CEACAM4: variants seen among roughly 807,000 people sequenced by gnomAD.
CEACAM4 encodes the protein CEA cell adhesion molecule 4.
Under a neutral mutation model 28.7 loss-of-function variants are expected in CEACAM4, and 30 were observed. The observed-to-expected ratio is 1.05, with a 90% CI of 0.78 to 1.42. The LOEUF is 1.42. CEACAM4 is among the 40% of genes most tolerant of loss of function. The pLI is 0.00. For synonymous variants in CEACAM4, 143 were observed against 126.5 expected, an observed-to-expected ratio of 1.13 and a Z score of -0.87; for missense variants, 330 against 308.2, an observed-to-expected ratio of 1.07 and a Z score of -0.53.
chr19:41,614,817 G>T (rs1456247421), downstream of CEACAM4, among the ~76,000 whole-genome samples: 1 of 152,112 alleles, frequency 6.6e-6, no homozygotes, highest in Admixed American at 6.5e-5. Flanking sequence ...CATATGCAGG[G>T]TCAGAGAACA....
downstream of CEACAM4, among the ~76,000 whole-genome samples, chr19:41,618,791 G>T (rs144422481): frequency 0.011 from 1,690 of 152,302 alleles, 14 homozygotes; most frequent in Middle Eastern, 0.02. Flanking sequence ...GTAGTGTGAG[G>T]ACAGCTGAGC....
At position 41,620,594 on chromosome 19, in the gene CEACAM4, C is replaced by T. The variant is rs782062058; in HGVS notation, c.576G>A (p.Pro192=). ...ASIQRDLREQ[P]PPASTPGHGP... Reference sequence around the variant, plus strand: ...ACTCACCAGGGGTGGAGGCTGGGGGCGGCTGCTCCCTGAGGTCACGCTGGA... The same window carrying T: ...ACTCACCAGGGGTGGAGGCTGGGGGTGGCTGCTCCCTGAGGTCACGCTGGA... The change falls in exon 4 of 7, where the codon CCG becomes CCA. Residue 192 remains proline (P), a synonymous_variant. Coordinates refer to ENST00000221954, the MANE Select transcript of CEACAM4 (RefSeq NM_001817.4). The T allele has an allele frequency of 6.2e-6, 10 of 1,612,410 alleles. No individual in the cohort carries two copies. The highest frequency in any genetic ancestry group is 5.0e-5 in the Admixed American group (3 of 59,806).
chr19:41,613,839 G>C, the CEACAM4 span, among the ~76,000 whole-genome samples: 1 of 152,168 alleles, frequency 6.6e-6, no homozygotes, highest in Non-Finnish European at 1.5e-5. Flanking sequence ...GAAGGAGGTG[G>C]AGAACTGGAA....
rs1439119680 is a variant in CEACAM4 at position 41,620,791 on chromosome 19, G to A, written c.543-164C>T. Among the ~76,000 whole-genome samples the A allele has an allele frequency of 2.6e-5, 4 of 152,198 alleles. 1 individual carries two copies. In the South Asian group the frequency reaches 6.2e-4, roughly 24 times the overall value. On this transcript the variant is annotated intron_variant, in intron 3 of 6. Coordinates refer to ENST00000221954, the MANE Select transcript of CEACAM4 (RefSeq NM_001817.4). ...GGCCGAGGACGGGGAGCTGAGGATA[G>A]GCCTTAAGCAGTCACGTCTGTCCTG...
chr19:41,620,114 T>G, intron 5 of CEACAM4, 97 bp downstream of exon 5: 1 of 1,106,682 alleles, frequency 9.0e-7, no homozygotes, highest in South Asian at 1.7e-5. Flanking sequence ...TGGGGAAAGG[T>G]GGGTCAGTGC....
At position 41,627,037 on chromosome 19, in the gene CEACAM4, C is replaced by T; in HGVS notation, c.-74G>A. ...AACGCTCTTGTCAGAGCTGCTGTGA[C>T]TGTCGGCTGTCGGGGCTGCTGACCT... On this transcript the variant is annotated 5_prime_UTR_variant, in exon 1 of 7. Coordinates refer to ENST00000221954, the MANE Select transcript of CEACAM4 (RefSeq NM_001817.4). 3.0e-6 allele frequency: 4 copies of T among 1,320,426 alleles called. No individual in the cohort carries two copies. The highest frequency in any genetic ancestry group is 4.2e-6 in the Non-Finnish European group (4 of 962,178). The allele number at this position is 1,320,426 out of a possible 1,614,324, so 81.8% of individuals were successfully genotyped here.
At chr19:41,620,424 C>G in intron 4 of CEACAM4, 151 bp downstream of exon 4, 5 of 847,056 alleles carry the variant, frequency 5.9e-6, no homozygotes, top group Non-Finnish European at 9.1e-6. Context: ...TCAGTCTGAA[C>G]AAGACAGTCG....
chr19:41,621,475 A>G (rs73562936), intron 3 of CEACAM4, among the ~76,000 whole-genome samples, 176 bp downstream of exon 3: 5,154 of 152,044 alleles, frequency 0.034, 107 homozygotes, highest in Non-Finnish European at 0.043. Context: ...TGCCACATTC[A>G]TAAAGGAAGA....
At chr19:41,620,396 C>A (rs964235242) in intron 4 of CEACAM4, among the ~76,000 whole-genome samples, 154 bp from the exon 5 acceptor site, 1 of 152,072 alleles carries the variant, frequency 6.6e-6, no homozygotes, top group Non-Finnish European at 1.5e-5. Flanking sequence ...AGGTGACCCA[C>A]GACCCAGAGC....
chr19:41,623,419 A>ATTTTTTTTTTTTTTTTTTTTTTTTCCTT (rs57004828), intron 2 of CEACAM4, among the ~76,000 whole-genome samples: 1 of 105,060 alleles, frequency 9.5e-6, no homozygotes, highest in African/African-American at 3.5e-5. Flanking sequence ...TTCGAACTGC[A>ATTTTTTTTTTTTTTTTTTTTTTTTCCTT]TTTTTTTTTT....
In CEACAM4 at chr19:41,620,600, C is replaced by T. The variant is rs1555800910; in HGVS notation, c.570G>A (p.Glu190=). 1 of 1,612,136 alleles carries T rather than the reference C, an allele frequency of 6.2e-7. No homozygotes were observed. The highest frequency in any genetic ancestry group is 1.7e-5 in the Admixed American group (1 of 59,838). ...GRASIQRDLR[E]QPPPASTPGH... Reference sequence around the variant, plus strand: ...CAGGGGTGGAGGCTGGGGGCGGCTGCTCCCTGAGGTCACGCTGGATGCTGG... The same window carrying T: ...CAGGGGTGGAGGCTGGGGGCGGCTGTTCCCTGAGGTCACGCTGGATGCTGG... The change falls in exon 4 of 7, where the codon GAG becomes GAA. Residue 190 remains glutamate (E), a synonymous_variant. Coordinates refer to ENST00000221954, the MANE Select transcript of CEACAM4 (RefSeq NM_001817.4).
chr19:41,617,875 C>T (rs985904492), downstream of CEACAM4, among the ~76,000 whole-genome samples: 1 of 152,162 alleles, frequency 6.6e-6, no homozygotes, highest in South Asian at 2.1e-4. Context: ...AGAGGCCTCA[C>T]CTTGTCTCAT....
rs1278899711 is a variant in CEACAM4 at position 41,626,031 on chromosome 19, C to CCT, written c.65-73_65-72dup. On this transcript the variant is annotated intron_variant, in intron 1 of 6. Transcript: ENST00000221954. ...GGGATGGAAAGATAAGGCCCTGGGT[C>CCT]CTCAGCAGGTCTCCTCATCCCTCAG... The CCT allele has an allele frequency of 1.8e-4, 252 of 1,423,022 alleles. 1 individual carries two copies. The South Asian group carries it at 3.3e-3, about 19-fold the overall frequency. The allele number at this position is 1,423,022 out of a possible 1,614,324, so 88.1% of individuals were successfully genotyped here.
intron 5 of CEACAM4, 21 bp downstream of exon 5, chr19:41,620,190 C>G: frequency 1.3e-6 from 2 of 1,493,720 alleles, no homozygotes; most frequent in Non-Finnish European, 1.8e-6. Context: ...TAGAAAAGGG[C>G]TGGGGAGGGA....
intron 1 of CEACAM4, 131 bp from the exon 2 acceptor site, chr19:41,626,091 TG>T: frequency 1.8e-6 from 1 of 553,404 alleles, no homozygotes; most frequent in South Asian, 2.3e-5. Context: ...TGTGTGTGTG[TG>T]TGTGTGTGTG....
chr19:41,623,422 T>G (rs2071436432), intron 2 of CEACAM4, among the ~76,000 whole-genome samples: 1 of 51,906 alleles, frequency 1.9e-5, no homozygotes, highest in African/African-American at 1.5e-4. Flanking sequence ...GAACTGCATT[T>G]TTTTTTTTTT....
At chr19:41,625,559 G>A in intron 2 of CEACAM4, 42 bp downstream of exon 2, 1 of 1,544,158 alleles carries the variant, frequency 6.5e-7, no homozygotes, top group Non-Finnish European at 8.7e-7. Flanking sequence ...GTGTGAAGCA[G>A]AACTGACCGC....
downstream of CEACAM4, among the ~76,000 whole-genome samples, chr19:41,614,971 A>AGGGAAG (rs1278528042): frequency 2.2e-5 from 3 of 138,024 alleles, no homozygotes; most frequent in African/African-American, 2.7e-5. Flanking sequence ...GGAGGGGAAA[A>AGGGAAG]GGGAAGGGGA....
chr19:41,615,838 C>T (rs1381342906), downstream of CEACAM4, among the ~76,000 whole-genome samples: 3 of 152,066 alleles, frequency 2.0e-5, no homozygotes, highest in Admixed American at 2.0e-4. Flanking sequence ...ATGGGTTGGA[C>T]CTGTGCCTCT....
Sources: gnomAD v4.1 joint callset for allele counts (sites outside exome capture counted in the v4.1 genomes callset) on GRCh38, gnomAD v4.1.1 for gene constraint, MANE v1.5 for transcripts, NCBI Gene and HGNC (gene_info 2026-07-23, HGNC 2026-07-21) for gene names.